PHF21B: variants seen among roughly 807,000 people sequenced by gnomAD.
PHF21B encodes the protein PHD finger protein 21B, also known as PHD finger protein 4.
Under a neutral mutation model 62.2 loss-of-function variants are expected in PHF21B, and 22 were observed. That is an observed-to-expected ratio of 0.35 (90% confidence interval 0.25 to 0.51). The LOEUF (loss-of-function observed/expected upper bound fraction) is 0.51. Among genes scored for constraint, PHF21B ranks in the 20% least tolerant of loss-of-function variants. The pLI, the probability that PHF21B is intolerant of heterozygous loss-of-function variation, is 0.97. For synonymous variants in PHF21B, 341 were observed against 314.7 expected (o/e 1.08, Z -0.88); for missense variants, 701 against 707.9 (o/e 0.99, Z 0.11).
At chr22:44,990,020 A>G (rs1013158411) in intron 2 of PHF21B, among the ~76,000 whole-genome samples, 4 of 152,236 alleles carry the variant, frequency 2.6e-5, no homozygotes, top group Non-Finnish European at 4.4e-5. Context: ...GAAGGGGCCA[A>G]CGGGCTCCGT....
intron 2 of PHF21B, chr22:45,000,535 C>G (rs1464255693): frequency 1.3e-5 from 2 of 152,174 alleles, no homozygotes; most frequent in African/African-American, 4.8e-5. Flanking sequence ...GCCAGCAGCT[C>G]TAATGAGGCA....
intron 7 of PHF21B, among the ~76,000 whole-genome samples, chr22:44,893,072 T>A (rs1254973989): frequency 1.3e-5 from 2 of 151,972 alleles, no homozygotes; most frequent in Non-Finnish European, 2.9e-5. Flanking sequence ...CTCCCAGCCA[T>A]GAGCCAACTG....
chr22:44,994,386 A>G (rs184636067), intron 2 of PHF21B, among the ~76,000 whole-genome samples: 1 of 152,158 alleles, frequency 6.6e-6, no homozygotes, highest in Non-Finnish European at 1.5e-5. Flanking sequence ...AGACAGAGGC[A>G]GAGACTGGAG....
At chr22:45,001,274 T>A (rs1018173156) in intron 2 of PHF21B, 5 of 152,230 alleles carry the variant, frequency 3.3e-5, no homozygotes, top group Non-Finnish European at 7.3e-5. Context: ...CCGACCCAAG[T>A]CCCAGGATTA....
intron 2 of PHF21B, among the ~76,000 whole-genome samples, chr22:44,983,357 C>A (rs941823095): frequency 2.6e-5 from 4 of 152,200 alleles, no homozygotes; most frequent in African/African-American, 9.7e-5. Context: ...ATGTTTGCTG[C>A]CGCTGGTGGC....
chr22:44,888,230 C>G, intron 9 of PHF21B, 109 bp from the exon 10 acceptor site: 1 of 1,205,502 alleles, frequency 8.3e-7, no homozygotes, highest in Non-Finnish European at 1.1e-6. Context: ...TGTGGCCGCT[C>G]TTCTGCCAAC....
intron 2 of PHF21B, among the ~76,000 whole-genome samples, chr22:44,959,376 G>T (rs2072371545): frequency 6.6e-6 from 1 of 152,220 alleles, no homozygotes. Flanking sequence ...CCTTGCTCTT[G>T]TGTGGGCCTT....
Position 44,914,103 on chromosome 22 carries a change from TGAGGGGCAC to T in PHF21B, c.565-24_565-16del. 1 of 525,110 alleles carries T rather than the reference TGAGGGGCAC, an allele frequency of 1.9e-6. No individual in the cohort carries two copies. The highest frequency in any genetic ancestry group is 2.9e-6 in the Non-Finnish European group (1 of 342,842). 32.5% of individuals were successfully genotyped at this position (525,110 alleles called of 1,614,324 possible). A position where few individuals can be genotyped will look rare whatever the true frequency, so the allele number is the denominator to read the frequency against. ...CGTGGAGGAGGCTGGAGAGCGAGGG[TGAGGGGCAC>T]AGGGAGGAAGGGAAGAGTGAGGGGG... On this transcript the variant is annotated splice_polypyrimidine_tract_variant and intron_variant, in intron 4 of 12. Transcript: ENST00000313237.
chr22:44,964,075 G>A (rs1020243502), intron 2 of PHF21B, among the ~76,000 whole-genome samples: 1 of 152,236 alleles, frequency 6.6e-6, no homozygotes, highest in Non-Finnish European at 1.5e-5. Context: ...CTTCTCACAG[G>A]AGTGGACCCA....
At chr22:44,902,275 G>A (rs1390940408) in intron 5 of PHF21B, 5 of 245,706 alleles carry the variant, frequency 2.0e-5, no homozygotes, top group African/African-American at 9.2e-5. Context: ...AAACAGAGAA[G>A]TACAAGATTA....
chr22:44,898,648 T>G (rs1159868374), intron 5 of PHF21B, among the ~76,000 whole-genome samples: 2 of 152,250 alleles, frequency 1.3e-5, no homozygotes, highest in Non-Finnish European at 2.9e-5. Flanking sequence ...AATTTTTAAT[T>G]TTTAAAATTT....
rs1010258603 is a variant in PHF21B at position 44,996,228 on chromosome 22, C to G, written c.120+12317G>C. ...CAGCTTCGGTGTCTGCCATCCCTGC[C>G]GAGGCTGGGAACCTCAGGTTGTAAT... On this transcript the variant is annotated intron_variant, in intron 2 of 12. Transcript: ENST00000313237. Among the ~76,000 whole-genome samples the G allele has an allele frequency of 3.9e-5, 6 of 152,218 alleles. No homozygotes were observed. In the South Asian group the frequency reaches 1.0e-3, roughly 26 times the overall value.
At chr22:45,000,538 A>C (rs1159699571) in intron 2 of PHF21B, 1 of 152,232 alleles carries the variant, frequency 6.6e-6, no homozygotes. Context: ...AGCAGCTCTA[A>C]TGAGGCATCA....
chr22:44,885,354 A>G, intron 12 of PHF21B, 72 bp downstream of exon 12: 1 of 1,407,092 alleles, frequency 7.1e-7, no homozygotes, highest in Non-Finnish European at 9.6e-7. Context: ...CTAAGGACAC[A>G]TCTATCTGTC....
chr22:44,926,614 G>A (rs1316553671), intron 2 of PHF21B, among the ~76,000 whole-genome samples: 5 of 152,234 alleles, frequency 3.3e-5, no homozygotes, highest in Admixed American at 6.5e-5. Context: ...TGGGTGGGCT[G>A]AGGAGGCCGA....
intron 2 of PHF21B, among the ~76,000 whole-genome samples, chr22:44,922,870 ATTG>A (rs1012021423): frequency 7.4e-4 from 113 of 152,354 alleles, no homozygotes; most frequent in African/African-American, 2.6e-3. Context: ...AAGCCTCAAC[ATTG>A]TTAAGATTTC....
In PHF21B at chr22:44,883,020, A is replaced by T; in HGVS notation, c.*66T>A. Reference sequence around the variant, plus strand: ...AGTGTTTATGAATTAAGGCCGACAGAACCCCCAGGCTGTGTAAGCAGGGTC... The same window carrying T: ...AGTGTTTATGAATTAAGGCCGACAGTACCCCCAGGCTGTGTAAGCAGGGTC... On this transcript the variant is annotated 3_prime_UTR_variant, in exon 13 of 13. Transcript: ENST00000313237. The T allele has an allele frequency of 6.7e-7, 1 of 1,485,132 alleles. No homozygotes were observed. Among genetic ancestry groups the T allele is most frequent in the East Asian group, 2.3e-5 (1 of 43,758 alleles). The allele number at this position is 1,485,132 out of a possible 1,614,324, so 92.0% of individuals were successfully genotyped here.
chr22:44,965,469 G>A (rs532525958), intron 2 of PHF21B, among the ~76,000 whole-genome samples: 20 of 125,148 alleles, frequency 1.6e-4, no homozygotes, highest in East Asian at 5.5e-4. Context: ...TGCCACTTCC[G>A]ACTTTTTCCA....
At chr22:45,000,748 G>A (rs950910440) in intron 2 of PHF21B, 6 of 152,110 alleles carry the variant, frequency 3.9e-5, no homozygotes, top group African/African-American at 1.2e-4. Flanking sequence ...TGACGCTCTC[G>A]CATGGAAAGA....
Sources: gnomAD v4.1 joint callset for allele counts (sites outside exome capture counted in the v4.1 genomes callset) on GRCh38, gnomAD v4.1.1 for gene constraint, MANE v1.5 for transcripts, NCBI Gene and HGNC (gene_info 2026-07-23, HGNC 2026-07-21) for gene names.